ADK: variants seen among roughly 807,000 people sequenced by gnomAD.
ADK encodes N6,N6-dimethyladenosine kinase.
ADK carries 24 observed loss-of-function variants against 44.7 expected under a neutral mutation model. That is an observed-to-expected ratio of 0.54 (90% CI 0.39 to 0.76). The LOEUF is 0.76. Among genes scored for constraint, ADK ranks in the 30% least tolerant of loss-of-function variants. ADK has a pLI of 0.00. For missense variants in ADK, 321 were observed against 425.1 expected, an observed-to-expected ratio of 0.76 and a Z score of 2.15; for synonymous variants, 128 against 142.6, an observed-to-expected ratio of 0.90 and a Z score of 0.73.
intron 6 of ADK, among the ~76,000 whole-genome samples, chr10:74,459,700 GC>G (rs1846092651): frequency 7.9e-6 from 1 of 127,106 alleles, no homozygotes; most frequent in Non-Finnish European, 1.6e-5. Context: ...CTGCACTCCA[GC>G]CTGGCAATAG....
chr10:74,525,721 C>G (rs904119338), intron 7 of ADK, among the ~76,000 whole-genome samples: 1 of 151,922 alleles, frequency 6.6e-6, no homozygotes, highest in Non-Finnish European at 1.5e-5. Context: ...ATGGCATGAT[C>G]TTGGCTCACT....
intron 4 of ADK, among the ~76,000 whole-genome samples, chr10:74,383,368 G>A (rs1843034264): frequency 7.7e-6 from 1 of 130,340 alleles, no homozygotes; most frequent in Non-Finnish European, 1.7e-5. Context: ...TTAGTTTTCT[G>A]ATTCCAGTAG....
At chr10:74,483,840 A>C (rs1250234337) in intron 6 of ADK, among the ~76,000 whole-genome samples, 1 of 152,218 alleles carries the variant, frequency 6.6e-6, no homozygotes, top group Admixed American at 6.5e-5. Flanking sequence ...GAAGTTCCTC[A>C]TCTCCATCTG....
chr10:74,404,347 A>C (rs931843460), intron 6 of ADK, among the ~76,000 whole-genome samples: 1 of 152,134 alleles, frequency 6.6e-6, no homozygotes, highest in Non-Finnish European at 1.5e-5. Context: ...ATTTTTACTC[A>C]GGTATTTATC....
At chr10:74,391,652 T>TAC (rs71475280) in intron 4 of ADK, among the ~76,000 whole-genome samples, 8,101 of 74,084 alleles carry the variant, frequency 0.11, 397 homozygotes, top group East Asian at 0.23. Context: ...GGCAAGAATA[T>TAC]ACACACACAC....
At chr10:74,648,787 G>A (rs187372251) in intron 9 of ADK, among the ~76,000 whole-genome samples, 11 of 152,280 alleles carry the variant, frequency 7.2e-5, no homozygotes, top group Non-Finnish European at 1.2e-4. Flanking sequence ...CTGTATAAGA[G>A]CAAGGTTTTT....
chr10:74,379,054 A>T (rs1842901793), intron 4 of ADK, among the ~76,000 whole-genome samples: 1 of 152,158 alleles, frequency 6.6e-6, no homozygotes, highest in South Asian at 2.1e-4. Flanking sequence ...AGGTAAAGGG[A>T]AGTGGCTTGA....
intron 9 of ADK, among the ~76,000 whole-genome samples, chr10:74,668,692 GC>G (rs1490231808): frequency 1.6e-4 from 24 of 152,280 alleles, no homozygotes; most frequent in African/African-American, 5.1e-4. Context: ...CTGAGATCAC[GC>G]CACTGCACTC....
intron 6 of ADK, among the ~76,000 whole-genome samples, chr10:74,435,425 A>G (rs1845149752): frequency 6.6e-6 from 1 of 152,188 alleles, no homozygotes; most frequent in African/African-American, 2.4e-5. Flanking sequence ...ATCCACAGTC[A>G]TGTGGTTAGT....
At chr10:74,507,850 T>G (rs1239297928) in intron 6 of ADK, among the ~76,000 whole-genome samples, 1 of 152,168 alleles carries the variant, frequency 6.6e-6, no homozygotes, top group Non-Finnish European at 1.5e-5. Flanking sequence ...TATTTCATAA[T>G]ATCACATATT....
At chr10:74,526,149 A>G (rs1849030321) in intron 7 of ADK, among the ~76,000 whole-genome samples, 1 of 151,984 alleles carries the variant, frequency 6.6e-6, no homozygotes, top group Non-Finnish European at 1.5e-5. Flanking sequence ...TGTTTAATAA[A>G]TTATGAGTAA....
chr10:74,650,106 ACT>A (rs1854206264), intron 9 of ADK, among the ~76,000 whole-genome samples: 1 of 152,154 alleles, frequency 6.6e-6, no homozygotes, highest in African/African-American at 2.4e-5. Context: ...ATCAGAGGCC[ACT>A]GTGGTAAAAT....
chr10:74,668,791 G>A (rs1855064366), intron 9 of ADK, among the ~76,000 whole-genome samples: 1 of 152,114 alleles, frequency 6.6e-6, no homozygotes, highest in South Asian at 2.1e-4. Flanking sequence ...CTAGCACTTT[G>A]GGAGACCAAG....
chr10:74,414,044 A>C (rs1301261259), intron 6 of ADK, among the ~76,000 whole-genome samples: 1 of 152,192 alleles, frequency 6.6e-6, no homozygotes, highest in Non-Finnish European at 1.5e-5. Context: ...TGGCATCCCA[A>C]AACAATTACA....
At chr10:74,647,273 T>C (rs998853915) in intron 9 of ADK, among the ~76,000 whole-genome samples, 9 of 152,198 alleles carry the variant, frequency 5.9e-5, no homozygotes, top group East Asian at 3.8e-4. Context: ...ACAGACGATA[T>C]AGAGTTATGT....
intron 3 of ADK, among the ~76,000 whole-genome samples, chr10:74,282,134 T>G (rs10824138): frequency 0.64 from 97,976 of 152,116 alleles, 32,900 homozygotes; most frequent in Middle Eastern, 0.79. Context: ...AAAGATTGTT[T>G]TATTAGTGGG....
intron 7 of ADK, among the ~76,000 whole-genome samples, chr10:74,559,359 A>G (rs1216675524): frequency 6.6e-6 from 1 of 152,276 alleles, no homozygotes; most frequent in African/African-American, 2.4e-5. Flanking sequence ...CACATAAAAT[A>G]GCTAGATCTC....
intron 6 of ADK, among the ~76,000 whole-genome samples, chr10:74,519,664 A>G (rs1300749654): frequency 6.6e-6 from 1 of 151,760 alleles, no homozygotes; most frequent in Non-Finnish European, 1.5e-5. Context: ...TTGTTACCAT[A>G]TTGTTTCTTT....
chr10:74,458,415 A>G (rs1395924998), intron 6 of ADK, among the ~76,000 whole-genome samples: 1 of 151,022 alleles, frequency 6.6e-6, no homozygotes, highest in Non-Finnish European at 1.5e-5. Flanking sequence ...TTGGGATTAC[A>G]GGCATGAGCC....
Sources: gnomAD v4.1 joint callset for allele counts (sites outside exome capture counted in the v4.1 genomes callset) on GRCh38, gnomAD v4.1.1 for gene constraint, MANE v1.5 for transcripts, NCBI Gene and HGNC (gene_info 2026-07-23, HGNC 2026-07-21) for gene names.